Variants in WSCD1 observed in about 807,000 individuals in gnomAD.
WSCD1 encodes the protein sialate:O-sulfotransferase 1.
Under a neutral mutation model 60.4 loss-of-function variants are expected in WSCD1, and 41 were observed. The ratio of observed to expected loss-of-function variants is 0.68; its 90% CI spans 0.53 to 0.88. The LOEUF (loss-of-function observed/expected upper bound fraction) is 0.88, where lower values mean the gene tolerates loss of function less well. Ranked by LOEUF, WSCD1 falls within the 40% of genes least tolerant of loss-of-function variation. The probability of loss-of-function intolerance (pLI) is 0.00; values close to 1 mark genes in which losing one functional copy is unlikely to be tolerated. For synonymous variants in WSCD1, 361 were observed against 332.5 expected, an observed-to-expected ratio of 1.09 and a Z score of -0.93; for missense variants, 784 against 796.2, an observed-to-expected ratio of 0.98 and a Z score of 0.18.
rs371125619 is a variant in WSCD1, at chr17:6,090,552, G to A, written c.727+47G>A. The A allele has an allele frequency of 3.5e-5, 55 of 1,591,172 alleles. No individual in the cohort carries two copies. The Middle Eastern group carries it at 5.3e-4, about 15-fold the overall frequency. On this transcript the variant is annotated intron_variant, in intron 4 of 8. Coordinates refer to ENST00000317744, the MANE Select transcript of WSCD1 (RefSeq NM_015253.2). ...TGAGCTTTGTCCGTCTGTCCCACCC[G>A]CTCTGGCTGCCCATCCCCCACAACC...
chr17:6,120,032 G>A (rs772748356), intron 8 of WSCD1, among the ~76,000 whole-genome samples: 5 of 152,202 alleles, frequency 3.3e-5, no homozygotes, highest in African/African-American at 4.8e-5. Context: ...TTGCCCATCA[G>A]GCATCACGCT....
intron 7 of WSCD1, among the ~76,000 whole-genome samples, chr17:6,117,106 G>C (rs1336833809): frequency 6.6e-6 from 1 of 152,200 alleles, no homozygotes; most frequent in African/African-American, 2.4e-5. Context: ...GTCTAACATA[G>C]TGAGCACATA....
Position 6,074,763 on chromosome 17 carries a change from G to A in WSCD1, c.-289+4111G>A, listed in dbSNP as rs115299867. ...CGTGAGGGTGCTTGACGCCTCTCTC[G>A]CTAACCAGGTGATGCTCTGGTGGGA... On this transcript the variant is annotated intron_variant, in intron 1 of 8. Transcript: ENST00000317744. 4.0e-3 allele frequency among the ~76,000 whole-genome samples: 607 copies of A among 152,350 alleles called. 4 individuals carry two copies. The highest frequency in any genetic ancestry group is 0.014 in the African/African-American group (576 of 41,572).
chr17:6,081,150 G>A (rs1330700736), intron 2 of WSCD1, 65 bp downstream of exon 2: 1 of 1,472,256 alleles, frequency 6.8e-7, no homozygotes, highest in African/African-American at 1.4e-5. Flanking sequence ...CACAGGTTTG[G>A]TGTCCCCTTT....
intron 2 of WSCD1, 23 bp downstream of exon 2, chr17:6,081,108 G>T (rs1484074116): frequency 1.3e-6 from 2 of 1,523,194 alleles, no homozygotes; most frequent in Non-Finnish European, 1.8e-6. Flanking sequence ...CTGCATTTGG[G>T]GGAGCTGTTC....
intron 1 of WSCD1, among the ~76,000 whole-genome samples, chr17:6,074,918 C>T (rs1393125141): frequency 1.3e-5 from 2 of 152,004 alleles, no homozygotes; most frequent in African/African-American, 4.8e-5. Flanking sequence ...GGTACAGAAG[C>T]CAGGCGCTAT....
intron 2 of WSCD1, among the ~76,000 whole-genome samples, chr17:6,086,798 C>G (rs1909681127): frequency 6.6e-6 from 1 of 152,214 alleles, no homozygotes; most frequent in Non-Finnish European, 1.5e-5. Flanking sequence ...GGACCAGGCT[C>G]TTGGCAGGAA....
At chr17:6,112,526 A>G (rs1451740532) in intron 7 of WSCD1, among the ~76,000 whole-genome samples, 1 of 152,254 alleles carries the variant, frequency 6.6e-6, no homozygotes, top group Non-Finnish European at 1.5e-5. Flanking sequence ...CCCTGTTTGC[A>G]GATGGCATGA....
At chr17:6,070,914 G>C (rs1305131518) in intron 1 of WSCD1, among the ~76,000 whole-genome samples, 1 of 151,672 alleles carries the variant, frequency 6.6e-6, no homozygotes, top group Admixed American at 6.6e-5. Flanking sequence ...GGATGGGGTG[G>C]GGGTGCGCGA....
chr17:6,106,558 C>T (rs546603370), intron 5 of WSCD1, among the ~76,000 whole-genome samples: 6 of 152,266 alleles, frequency 3.9e-5, no homozygotes, highest in South Asian at 2.1e-4. Context: ...ATAGATAAAA[C>T]GAATCCATGG....
chr17:6,092,845 TTGC>T (rs1183731644), intron 4 of WSCD1, among the ~76,000 whole-genome samples: 1 of 152,194 alleles, frequency 6.6e-6, no homozygotes, highest in Non-Finnish European at 1.5e-5. Context: ...TTGGCTGGAC[TTGC>T]TGTCATGGTT....
At chr17:6,112,232 A>G (rs1911452235) in intron 7 of WSCD1, among the ~76,000 whole-genome samples, 1 of 152,244 alleles carries the variant, frequency 6.6e-6, no homozygotes, top group Non-Finnish European at 1.5e-5. Flanking sequence ...ATCAGAGCAG[A>G]AATAAATGAT....
chr17:6,089,120 G>A (rs2150543476), intron 3 of WSCD1, among the ~76,000 whole-genome samples: 2 of 152,326 alleles, frequency 1.3e-5, no homozygotes, highest in African/African-American at 4.8e-5. Flanking sequence ...TCCATAGTCA[G>A]CCAGGTAGCA....
At chr17:6,095,909 C>A (rs983754002) in intron 5 of WSCD1, among the ~76,000 whole-genome samples, 2 of 152,134 alleles carry the variant, frequency 1.3e-5, no homozygotes, top group African/African-American at 2.4e-5. Flanking sequence ...CTAGAAATGG[C>A]CCTTGGTGGC....
At chr17:6,071,562 C>T (rs1266583391) in intron 1 of WSCD1, among the ~76,000 whole-genome samples, 1 of 152,248 alleles carries the variant, frequency 6.6e-6, no homozygotes, top group Non-Finnish European at 1.5e-5. Flanking sequence ...ATGAGATACC[C>T]GCATCCCTCT....
chr17:6,085,369 A>G (rs1909563029), intron 2 of WSCD1, among the ~76,000 whole-genome samples: 2 of 152,244 alleles, frequency 1.3e-5, no homozygotes, highest in Admixed American at 6.5e-5. Flanking sequence ...AGTAAAAACA[A>G]TCGCTGCTGA....
intron 5 of WSCD1, among the ~76,000 whole-genome samples, chr17:6,106,061 TCAAA>T (rs1178729458): frequency 9.9e-5 from 15 of 152,210 alleles, no homozygotes; most frequent in African/African-American, 3.6e-4. Flanking sequence ...TCTTCATTCA[TCAAA>T]CATTTATTGA....
chr17:6,096,093 C>T (rs1043318647), intron 5 of WSCD1, among the ~76,000 whole-genome samples: 2 of 152,188 alleles, frequency 1.3e-5, no homozygotes, highest in African/African-American at 4.8e-5. Flanking sequence ...ATCGCTCATT[C>T]CATGCCAGGT....
intron 5 of WSCD1, among the ~76,000 whole-genome samples, chr17:6,102,687 C>T (rs1910872262): frequency 6.6e-6 from 1 of 152,178 alleles, no homozygotes; most frequent in Non-Finnish European, 1.5e-5. Flanking sequence ...GTTTTATAAA[C>T]ATTGACTCAT....
Sources: gnomAD v4.1 joint callset for allele counts (sites outside exome capture counted in the v4.1 genomes callset) on GRCh38, gnomAD v4.1.1 for gene constraint, MANE v1.5 for transcripts, NCBI Gene and HGNC (gene_info 2026-07-23, HGNC 2026-07-21) for gene names.